Variants in SREBF2 observed in about 807,000 individuals in gnomAD.
SREBF2 encodes sterol regulatory element binding transcription factor 2.
In SREBF2, 55 loss-of-function variants were observed where a neutral mutation model predicts 113.1. The observed-to-expected ratio is 0.49, with a 90% CI of 0.39 to 0.61. The LOEUF (loss-of-function observed/expected upper bound fraction) is 0.61. SREBF2 is among the 20% of genes least tolerant of loss of function. The pLI, the probability that SREBF2 is intolerant of heterozygous loss-of-function variation, is 0.00. For missense variants in SREBF2, 1,349 were observed against 1,487.4 expected, an observed-to-expected ratio of 0.91 and a Z score of 1.53; for synonymous variants, 593 against 605.7, an observed-to-expected ratio of 0.98 and a Z score of 0.31.
chr22:41,860,423 C>T (rs1325297091), intron 1 of SREBF2, among the ~76,000 whole-genome samples: 2 of 152,098 alleles, frequency 1.3e-5, no homozygotes, highest in Non-Finnish European at 2.9e-5. Context: ...GTTTTTTCCA[C>T]TATCAGATTG....
intron 1 of SREBF2, among the ~76,000 whole-genome samples, chr22:41,858,530 G>A (rs1042642161): frequency 6.6e-6 from 1 of 152,090 alleles, no homozygotes; most frequent in Non-Finnish European, 1.5e-5. Flanking sequence ...ATCGCATGAG[G>A]CAGGGAGTTC....
chr22:41,888,426 T>C (rs1359501757), intron 11 of SREBF2, among the ~76,000 whole-genome samples: 1 of 152,154 alleles, frequency 6.6e-6, no homozygotes, highest in Non-Finnish European at 1.5e-5. Flanking sequence ...GGCACCTTTT[T>C]TTCATAAATC....
chr22:41,835,943 A>T (rs1410418928), intron 1 of SREBF2, among the ~76,000 whole-genome samples: 6 of 152,222 alleles, frequency 3.9e-5, no homozygotes, highest in Admixed American at 3.9e-4. Flanking sequence ...ATTTGTAATG[A>T]GTTTAAATTA....
intron 9 of SREBF2, chr22:41,878,783 A>C (rs1278953287): frequency 3.8e-5 from 49 of 1,282,950 alleles, no homozygotes; most frequent in Non-Finnish European, 4.9e-5. Flanking sequence ...TGCCCTCCCC[A>C]CCTCTGCAAG....
At chr22:41,849,293 G>A (rs1198320637) in intron 1 of SREBF2, among the ~76,000 whole-genome samples, 1 of 152,102 alleles carries the variant, frequency 6.6e-6, no homozygotes, top group Non-Finnish European at 1.5e-5. Context: ...CCAGATTCAA[G>A]CGATTCTCCT....
chr22:41,898,682 C>T lies in SREBF2; in HGVS notation c.2639C>T (p.Ala880Val). The change falls in exon 15 of 19, where the codon GCA becomes GTA. Residue 880 changes from alanine to valine, a missense_variant. By Grantham distance (64) the Ala-to-Val change is moderately conservative. This residue lies in a region of SREBF2 where 650 missense variants were observed against 644.1 expected (regional missense o/e 1.01). Coordinates refer to ENST00000361204, the MANE Select transcript of SREBF2 (RefSeq NM_004599.4). ...PDIICRWWTS[A>V]ITVAISWLQG... ...ATCATCTGTCGGTGGTGGACGTCTG[C>T]AATCACTGTGGCCATCAGCTGGCTC... is the stretch of plus-strand genomic sequence containing the variant. 1 of 1,613,996 alleles carries T rather than the reference C, an allele frequency of 6.2e-7. No individual in the cohort carries two copies. The highest frequency in any genetic ancestry group is 8.5e-7 in the Non-Finnish European group (1 of 1,180,006).
Position 41,833,436 on chromosome 22 carries a change from G to T in SREBF2, c.88+78G>T. 1 of 1,313,092 alleles carries T rather than the reference G, an allele frequency of 7.6e-7. No homozygotes were observed. The highest frequency in any genetic ancestry group is 1.0e-6 in the Non-Finnish European group (1 of 953,768). 81.3% of individuals were successfully genotyped at this position (1,313,092 alleles called of 1,614,324 possible). ...CGGCGGCGCGCCCGGGTGCGCGTGC[G>T]CCCACCCCCCGACAGCCCCGGTTCG... On this transcript the variant is annotated intron_variant, in intron 1 of 18. Transcript: ENST00000361204. The surrounding 1 kb of genome is among the most constrained non-coding windows in gnomAD (Gnocchi z 4.1).
At chr22:41,844,382 T>G (rs2076858703) in intron 1 of SREBF2, among the ~76,000 whole-genome samples, 1 of 152,224 alleles carries the variant, frequency 6.6e-6, no homozygotes, top group African/African-American at 2.4e-5. Context: ...ATTTTTTCCT[T>G]TTGAAATGGC....
intron 9 of SREBF2, among the ~76,000 whole-genome samples, chr22:41,879,165 CAG>C (rs2077223814): frequency 6.6e-6 from 1 of 152,122 alleles, no homozygotes; most frequent in African/African-American, 2.4e-5. Context: ...CTGGCTGAGT[CAG>C]GGGGCTCTAT....
At position 41,905,699 on chromosome 22, in the gene SREBF2, T is replaced by TTC; in HGVS notation, c.*48_*49dup. 1 of 1,531,436 alleles carries TTC rather than the reference T, an allele frequency of 6.5e-7. No individual in the cohort carries two copies. The highest frequency in any genetic ancestry group is 1.2e-5 in the South Asian group (1 of 83,622). The allele number at this position is 1,531,436 out of a possible 1,614,324, so 94.9% of individuals were successfully genotyped here. A position where few individuals can be genotyped will look rare whatever the true frequency, so the allele number is the denominator to read the frequency against. On this transcript the variant is annotated 3_prime_UTR_variant, in exon 19 of 19. Transcript: ENST00000361204. ...CCCACCCCTCCACCTCTCTCTCGATTTCTCTCTCTCCCCCTCAGCATCTTC... is the reference window on the plus strand; with the variant it reads ...CCCACCCCTCCACCTCTCTCTCGATTTCTCTCTCTCTCCCCCTCAGCATCTTC...
chr22:41,850,984 G>A (rs899390550), intron 1 of SREBF2, among the ~76,000 whole-genome samples: 2 of 151,978 alleles, frequency 1.3e-5, no homozygotes, highest in Non-Finnish European at 2.9e-5. Context: ...CAAGTGATCC[G>A]CCCACCTCGG....
At chr22:41,870,148 C>G (rs751911184) in intron 3 of SREBF2, among the ~76,000 whole-genome samples, 10 of 152,224 alleles carry the variant, frequency 6.6e-5, no homozygotes, top group Admixed American at 2.6e-4. Flanking sequence ...GCCACCACAT[C>G]TGGCCTATAT....
At chr22:41,846,088 C>G (rs999503470) in intron 1 of SREBF2, among the ~76,000 whole-genome samples, 2 of 152,194 alleles carry the variant, frequency 1.3e-5, no homozygotes, top group South Asian at 2.1e-4. Flanking sequence ...AGACCACACT[C>G]TTGATAACTG....
rs1304655499 is a variant in SREBF2 at position 41,833,480 on chromosome 22, C to T, written c.88+122C>T. The T allele has an allele frequency of 1.3e-6, 1 of 784,568 alleles. No homozygotes were observed. The highest frequency in any genetic ancestry group is 1.9e-6 in the Non-Finnish European group (1 of 513,476). 48.6% of individuals were successfully genotyped at this position (784,568 alleles called of 1,614,324 possible). On this transcript the variant is annotated intron_variant, in intron 1 of 18. Transcript: ENST00000361204. This position sits in a 1 kb window ranked among gnomAD's most constrained non-coding sequence, Gnocchi z 4.1. The stretch of plus-strand genomic sequence containing the variant: ...CGGTTCGCGCGGGAAGAACCCCGTG[C>T]GCACGGTGCCCCCGGCGGTCCTCAA...
chr22:41,898,919 G>T (rs957394136), intron 15 of SREBF2, 138 bp downstream of exon 15: 3 of 1,267,340 alleles, frequency 2.4e-6, no homozygotes, highest in Non-Finnish European at 3.3e-6. Flanking sequence ...TAGAAAAGTC[G>T]GGGGTGAGGG....
chr22:41,839,198 G>A (rs1225183066), intron 1 of SREBF2, among the ~76,000 whole-genome samples: 1 of 152,134 alleles, frequency 6.6e-6, no homozygotes, highest in African/African-American at 2.4e-5. Flanking sequence ...GGGGGAGTTA[G>A]GAGTCAGCAG....
At chr22:41,835,795 T>TTA (rs760603790) in intron 1 of SREBF2, among the ~76,000 whole-genome samples, 2 of 152,002 alleles carry the variant, frequency 1.3e-5, no homozygotes, top group Non-Finnish European at 2.9e-5. Context: ...CCTAGCTAAT[T>TTA]TATATATATA....
At chr22:41,835,769 G>A (rs2076768456) in intron 1 of SREBF2, among the ~76,000 whole-genome samples, 2 of 152,182 alleles carry the variant, frequency 1.3e-5, no homozygotes, top group African/African-American at 2.4e-5. Context: ...TTAGGACTAA[G>A]GCATGTGCCA....
intron 1 of SREBF2, among the ~76,000 whole-genome samples, chr22:41,861,014 T>TA (rs1158052062): frequency 6.6e-6 from 1 of 152,252 alleles, no homozygotes; most frequent in African/African-American, 2.4e-5. Context: ...AGGATGATGT[T>TA]ACGTCTGTAA....
Sources: gnomAD v4.1 joint callset for allele counts (sites outside exome capture counted in the v4.1 genomes callset) on GRCh38, gnomAD v4.1.1 for gene constraint, gnomAD v4.1.1 regional missense constraint, Gnocchi (gnomAD v3.1) non-coding constraint, MANE v1.5 for transcripts, NCBI Gene and HGNC (gene_info 2026-07-23, HGNC 2026-07-21) for gene names.